Variants in PFKFB3 observed in about 807,000 individuals in gnomAD.
PFKFB3 encodes the protein 6-phosphofructo-2-kinase/fructose-2,6-biphosphatase 3, also known as 6-phosphofructo-2-kinase/fructose-2,6-bisphosphatase 3.
In PFKFB3, 33 loss-of-function variants were observed where a neutral mutation model predicts 68.0. The observed-to-expected ratio is 0.49, with a 90% CI of 0.37 to 0.65. PFKFB3 has a LOEUF of 0.65. PFKFB3 is among the 30% of genes least tolerant of loss of function. The pLI is 0.00. For missense variants in PFKFB3, 586 were observed against 712.2 expected (o/e 0.82, Z 2.02); for synonymous variants, 315 against 288.2 (o/e 1.09, Z -0.94).
At chr10:6,151,946 G>C (rs570088245) in intron 1 of PFKFB3, among the ~76,000 whole-genome samples, 2 of 149,212 alleles carry the variant, frequency 1.3e-5, no homozygotes, top group Admixed American at 1.3e-4. Flanking sequence ...CCTGTTCCTG[G>C]CTTCACATTA....
At chr10:6,158,011 C>A (rs1046978041) in intron 1 of PFKFB3, among the ~76,000 whole-genome samples, 1 of 150,792 alleles carries the variant, frequency 6.6e-6, no homozygotes, top group African/African-American at 2.4e-5. Context: ...TGTGGCTGGG[C>A]GCGGTGGTTC....
the PFKFB3 span, among the ~76,000 whole-genome samples, chr10:6,288,531 A>G: frequency 6.6e-6 from 1 of 150,822 alleles, no homozygotes; most frequent in Non-Finnish European, 1.5e-5. Flanking sequence ...AAGGACATGG[A>G]CTCATCCTTT....
intron 1 of PFKFB3, among the ~76,000 whole-genome samples, chr10:6,172,071 G>A (rs1174738592): frequency 6.6e-6 from 1 of 152,196 alleles, no homozygotes; most frequent in African/African-American, 2.4e-5. Flanking sequence ...ACCGGTGTCC[G>A]GGACAGATAC....
chr10:6,324,013 C>T, the PFKFB3 span, among the ~76,000 whole-genome samples: 1 of 152,180 alleles, frequency 6.6e-6, no homozygotes, highest in Admixed American at 6.5e-5. Flanking sequence ...TGTACACCCA[C>T]ATTTATAGAT....
intron 13 of PFKFB3, among the ~76,000 whole-genome samples, chr10:6,225,688 C>T (rs748337800): frequency 1.3e-5 from 2 of 148,374 alleles, no homozygotes; most frequent in African/African-American, 2.5e-5. Context: ...TGTTTTGCAG[C>T]CTCCGTGCCC....
rs977293188 is a variant in PFKFB3, at chr10:6,235,267, T to C, written c.*2325T>C. ...TCTTTGTAATACTTGAAATTTATTT[T>C]TTTATTATTTTGATAGCAGATGTGC... is the stretch of plus-strand genomic sequence containing the variant. On this transcript the variant is annotated 3_prime_UTR_variant, in exon 15 of 15. Transcript: ENST00000379775. 1 of 152,724 alleles carries C rather than the reference T, an allele frequency of 6.5e-6. No individual in the cohort carries two copies. The highest frequency in any genetic ancestry group is 1.5e-5 in the Non-Finnish European group (1 of 68,046). 9.5% of individuals were successfully genotyped at this position (152,724 alleles called of 1,614,324 possible).
chr10:6,256,925 G>T (rs183778285), downstream of PFKFB3, among the ~76,000 whole-genome samples: 1 of 152,146 alleles, frequency 6.6e-6, no homozygotes, highest in African/African-American at 2.4e-5. Flanking sequence ...AGACAAAAGC[G>T]TTCCAAATAG....
intron 1 of PFKFB3, among the ~76,000 whole-genome samples, chr10:6,204,880 C>T (rs879493443): frequency 3.9e-5 from 6 of 152,214 alleles, no homozygotes; most frequent in Non-Finnish European, 2.9e-5. Flanking sequence ...TGATTGTATA[C>T]GAATGCCCAC....
At chr10:6,291,904 C>G in the PFKFB3 span, among the ~76,000 whole-genome samples, 1 of 150,730 alleles carries the variant, frequency 6.6e-6, no homozygotes, top group African/African-American at 2.4e-5. Context: ...CTCTTACAAC[C>G]TACATACACT....
At chr10:6,223,851 A>G in intron 11 of PFKFB3, 107 bp from the exon 12 acceptor site, 1 of 909,502 alleles carries the variant, frequency 1.1e-6, no homozygotes, top group East Asian at 2.4e-5. Context: ...TCCTGACCTC[A>G]GGTGATCCAC....
chr10:6,228,347 A>C lies in PFKFB3; in HGVS notation c.1515+1982A>C. On this transcript the variant is annotated intron_variant, in intron 14 of 14. Transcript: ENST00000379775. The surrounding 1 kb of genome is among the most constrained non-coding windows in gnomAD (Gnocchi z 4.5). ...ATGTGAGGTCTTCCGTGGGGGAAGG[A>C]GGAGATGGGCGTAGGAGTAGGGAGG... is the stretch of plus-strand genomic sequence containing the variant. 1 of 998,100 alleles carries C rather than the reference A, an allele frequency of 1.0e-6. No individual in the cohort carries two copies. Among genetic ancestry groups the C allele is most frequent in the Non-Finnish European group, 1.6e-6 (1 of 631,492 alleles). The allele number at this position is 998,100 out of a possible 1,614,324, so 61.8% of individuals were successfully genotyped here.
chr10:6,174,664 G>A (rs930934393), intron 1 of PFKFB3, among the ~76,000 whole-genome samples: 1 of 152,232 alleles, frequency 6.6e-6, no homozygotes, highest in African/African-American at 2.4e-5. Flanking sequence ...ACCAGTGTGC[G>A]GGCACAAAGC....
intron 1 of PFKFB3, among the ~76,000 whole-genome samples, chr10:6,206,520 T>C (rs1184574926): frequency 5.3e-4 from 51 of 96,148 alleles, no homozygotes; most frequent in African/African-American, 7.8e-4. Flanking sequence ...CACTTCCCAG[T>C]AGGGGCGGCC....
intron 1 of PFKFB3, among the ~76,000 whole-genome samples, chr10:6,212,208 A>G (rs2131927966): frequency 6.6e-6 from 1 of 152,348 alleles, no homozygotes; most frequent in Admixed American, 6.5e-5. Flanking sequence ...GCTGGCGGGT[A>G]TCATCTGGCC....
downstream of PFKFB3, among the ~76,000 whole-genome samples, chr10:6,236,360 G>T (rs985464234): frequency 2.0e-5 from 3 of 152,226 alleles, no homozygotes. Flanking sequence ...AACACCATGC[G>T]TGGAGGAAGC....
At chr10:6,262,422 T>C in the PFKFB3 span, among the ~76,000 whole-genome samples, 3 of 117,278 alleles carry the variant, frequency 2.6e-5, no homozygotes, top group Non-Finnish European at 4.8e-5. Flanking sequence ...ACCACTGCAC[T>C]CCAGCCTGGG....
chr10:6,240,131 A>G (rs145478774), downstream of PFKFB3, among the ~76,000 whole-genome samples: 20 of 152,312 alleles, frequency 1.3e-4, 1 homozygote, highest in East Asian at 3.9e-3. Flanking sequence ...CCAAGCTCCT[A>G]TTTATCTCAT....
At chr10:6,291,146 C>T in the PFKFB3 span, among the ~76,000 whole-genome samples, 1 of 152,072 alleles carries the variant, frequency 6.6e-6, no homozygotes, top group Non-Finnish European at 1.5e-5. Context: ...GGAAGTGCAA[C>T]AAATTACTAG....
intron 1 of PFKFB3, 69 bp downstream of exon 1, chr10:6,203,405 C>A (rs1588465381): frequency 7.9e-7 from 1 of 1,261,752 alleles, no homozygotes; most frequent in South Asian, 1.4e-5. Flanking sequence ...TGTGGGGCGG[C>A]TTTGTGCCGA....
Sources: allele counts gnomAD v4.1 joint callset (sites outside exome capture counted in the v4.1 genomes callset), GRCh38; gene constraint gnomAD v4.1.1; non-coding constraint Gnocchi (gnomAD v3.1); transcripts MANE v1.5; gene names NCBI Gene and HGNC (gene_info 2026-07-23, HGNC 2026-07-21).